Variants in MDN1 observed in about 807,000 individuals in gnomAD.
The protein encoded by MDN1 is midasin.
In MDN1, 266 loss-of-function variants were observed where a neutral mutation model predicts 669.2. The ratio of observed to expected loss-of-function variants is 0.40; its 90% CI spans 0.36 to 0.44. MDN1 has a LOEUF of 0.44. Ranked by LOEUF, MDN1 falls within the 20% of genes least tolerant of loss-of-function variation. The probability of loss-of-function intolerance (pLI) is 1.00; values close to 1 mark genes in which losing one functional copy is unlikely to be tolerated. For synonymous variants in MDN1, 2,385 were observed against 2,457.1 expected (o/e 0.97, Z 0.87); for missense variants, 5,940 against 6,754.0 (o/e 0.88, Z 4.22).
intron 92 of MDN1, among the ~76,000 whole-genome samples, chr6:89,654,722 G>A (rs1217896016): frequency 3.9e-5 from 6 of 152,128 alleles, no homozygotes; most frequent in South Asian, 2.1e-4. Flanking sequence ...ATGACTAGAA[G>A]AGCAGATTTG....
At chr6:89,747,611 G>T in intron 26 of MDN1, 141 bp from the exon 27 acceptor site, 1 of 1,025,752 alleles carries the variant, frequency 9.7e-7, no homozygotes, top group Non-Finnish European at 1.4e-6. Context: ...TAATTTTTTG[G>T]CCGGGCGTGG....
chr6:89,701,189 G>A (rs1249159713), intron 55 of MDN1, among the ~76,000 whole-genome samples: 1 of 152,146 alleles, frequency 6.6e-6, no homozygotes, highest in African/African-American at 2.4e-5. Flanking sequence ...AAAAATGGAT[G>A]GTTGCGTCTG....
chr6:89,694,751 T>A (rs1812619467), intron 61 of MDN1, among the ~76,000 whole-genome samples: 1 of 151,580 alleles, frequency 6.6e-6, no homozygotes, highest in South Asian at 2.1e-4. Context: ...AATCTTACTA[T>A]GTGGTGGCCC....
chr6:89,669,815 C>T (rs918033574), intron 83 of MDN1, among the ~76,000 whole-genome samples: 10 of 152,040 alleles, frequency 6.6e-5, no homozygotes, highest in African/African-American at 2.4e-4. Context: ...TGTCTACTGC[C>T]CCTGAGTTTC....
chr6:89,735,237 G>C (rs941674208), intron 33 of MDN1, among the ~76,000 whole-genome samples: 1 of 151,666 alleles, frequency 6.6e-6, no homozygotes, highest in African/African-American at 2.4e-5. Flanking sequence ...ATTGACTAAT[G>C]TACCAATACT....
intron 85 of MDN1, 78 bp from the exon 86 acceptor site, chr6:89,663,045 C>A (rs1809917720): frequency 1.3e-6 from 2 of 1,529,966 alleles, no homozygotes; most frequent in Non-Finnish European, 1.8e-6. Flanking sequence ...TGTGGACCCG[C>A]TTCCCTAGCA....
At chr6:89,715,403 C>G (rs1030173550) in intron 45 of MDN1, among the ~76,000 whole-genome samples, 1 of 152,190 alleles carries the variant, frequency 6.6e-6, no homozygotes, top group Non-Finnish European at 1.5e-5. Flanking sequence ...ACTGGTATCT[C>G]TGCTTCCCAC....
intron 80 of MDN1, among the ~76,000 whole-genome samples, 190 bp downstream of exon 80, chr6:89,673,046 A>T (rs1361136179): frequency 6.6e-6 from 1 of 152,224 alleles, no homozygotes; most frequent in Non-Finnish European, 1.5e-5. Context: ...CAAAGTATGT[A>T]ACAGGCATCC....
At chr6:89,672,123 G>A in intron 82 of MDN1, 77 bp downstream of exon 82, 2 of 1,423,850 alleles carry the variant, frequency 1.4e-6, no homozygotes, top group South Asian at 3.1e-5. Context: ...TTATCTACGT[G>A]GAGGGAAGTA....
At chr6:89,759,796 G>A (rs1562189684) in intron 17 of MDN1, among the ~76,000 whole-genome samples, 1 of 150,866 alleles carries the variant, frequency 6.6e-6, no homozygotes, top group East Asian at 2.0e-4. Context: ...CTGGGGCCCG[G>A]GGCAATGGCT....
At chr6:89,672,908 T>TA (rs1295210953) in intron 80 of MDN1, among the ~76,000 whole-genome samples, 3 of 152,246 alleles carry the variant, frequency 2.0e-5, no homozygotes, top group South Asian at 2.1e-4. Context: ...TAAAATAATG[T>TA]AAAAAATATA....
chr6:89,732,940 A>G (rs186646832), intron 33 of MDN1, among the ~76,000 whole-genome samples, 165 bp from the exon 34 acceptor site: 22 of 152,350 alleles, frequency 1.4e-4, no homozygotes, highest in Admixed American at 1.4e-3. Context: ...AGCAGCCTGC[A>G]GCTTTGATCA....
chr6:89,749,542 C>T lies in MDN1; in HGVS notation c.3615+1G>A. 6.2e-7 allele frequency: 1 copy of T among 1,613,962 alleles called. No individual in the cohort carries two copies. Among genetic ancestry groups the T allele is most frequent in the Non-Finnish European group, 8.5e-7 (1 of 1,179,842 alleles). Reference sequence around the variant, plus strand: ...GAAGGAAGGAGACAAATGCTACATACCTTTCTGCCTCCATAAAGTCCTGGG... The same window carrying T: ...GAAGGAAGGAGACAAATGCTACATATCTTTCTGCCTCCATAAAGTCCTGGG... On this transcript the variant is annotated splice_donor_variant, in intron 25 of 101. Transcript: ENST00000369393. LOFTEE classifies it high-confidence loss of function.
chr6:89,703,163 C>T (rs2128310305), intron 53 of MDN1, among the ~76,000 whole-genome samples: 1 of 152,140 alleles, frequency 6.6e-6, no homozygotes, highest in South Asian at 2.1e-4. Flanking sequence ...TCTCGAACTC[C>T]TAACCTCAGG....
chr6:89,654,306 A>G lies in MDN1; in HGVS notation c.15519T>C (p.Ser5173=), dbSNP rs772282039. The G allele has an allele frequency of 5.0e-6, 8 of 1,614,200 alleles. No individual in the cohort carries two copies. Among genetic ancestry groups the G allele is most frequent in the Middle Eastern group, 3.3e-4 (2 of 6,062 alleles). ...YDVASKEQQQ[S]AKDSGKDQEE... Reference sequence around the variant, plus strand: ...CCTGATCTTTGCCAGAGTCTTTTGCAGACTGTTGCTGTTCTTTGCTGGCCA... The same window carrying G: ...CCTGATCTTTGCCAGAGTCTTTTGCGGACTGTTGCTGTTCTTTGCTGGCCA... Residue 5173 remains serine (S), a synonymous_variant, in exon 93 of 102, where the codon TCT becomes TCC. Coordinates refer to ENST00000369393, the MANE Select transcript of MDN1 (RefSeq NM_014611.3).
At chr6:89,812,269 C>A (rs1768478912) in intron 1 of MDN1, among the ~76,000 whole-genome samples, 1 of 146,802 alleles carries the variant, frequency 6.8e-6, no homozygotes, top group Non-Finnish European at 1.5e-5. Flanking sequence ...CAGGCGTGAG[C>A]CACCGCGCCC....
chr6:89,661,329 T>C, intron 88 of MDN1, 102 bp downstream of exon 88: 2 of 1,352,818 alleles, frequency 1.5e-6, no homozygotes, highest in South Asian at 1.4e-5. Flanking sequence ...CCAAACGTGA[T>C]TTATCACCTG....
rs1380544257 is a variant in MDN1, at chr6:89,712,756, A to G, written c.7249T>C (p.Ser2417Pro). The G allele has an allele frequency of 1.2e-6, 2 of 1,614,152 alleles. No individual in the cohort carries two copies. Among genetic ancestry groups the G allele is most frequent in the South Asian group, 2.2e-5 (2 of 91,086 alleles). ...CAGGTTTCATGTGCTCGCAAAGAAG[A>G]AACATGTTTCTCCAGTAAAGCCTGT... ...LVQALLEKHV[S>P]SLRAHETWGD... The change falls in exon 48 of 102, where the codon TCT (serine) becomes CCT (proline). Residue 2417 changes from serine (S) to proline (P), a missense_variant. Ser to Pro is a moderately conservative substitution (Grantham distance 74, BLOSUM62 -1). Transcript: ENST00000369393.
chr6:89,772,323 TA>T (rs1219552450), intron 14 of MDN1, among the ~76,000 whole-genome samples: 4 of 152,150 alleles, frequency 2.6e-5, no homozygotes, highest in African/African-American at 9.7e-5. Context: ...ATGCAATATG[TA>T]GAACATAATC....
Sources: allele counts gnomAD v4.1 joint callset (sites outside exome capture counted in the v4.1 genomes callset), GRCh38; gene constraint gnomAD v4.1.1; transcripts MANE v1.5; gene names NCBI Gene and HGNC (gene_info 2026-07-23, HGNC 2026-07-21).